Variants in MAP2K3 observed in about 807,000 individuals in gnomAD.
MAP2K3 encodes the protein dual specificity mitogen-activated protein kinase kinase 3.
A neutral mutation model predicts 46.4 loss-of-function variants in MAP2K3; 30 were observed. The observed-to-expected ratio is 0.65, with a 90% CI of 0.48 to 0.88. The LOEUF (loss-of-function observed/expected upper bound fraction) is 0.88, where lower values mean the gene tolerates loss of function less well. MAP2K3 is among the 40% of genes least tolerant of loss of function. The probability of loss-of-function intolerance (pLI) is 0.00; values close to 1 mark genes in which losing one functional copy is unlikely to be tolerated. For missense variants in MAP2K3, 380 were observed against 464.5 expected (o/e 0.82, Z 1.67); for synonymous variants, 189 against 176.3 (o/e 1.07, Z -0.57).
Position 21,288,205 on chromosome 17 carries a change from C to T in MAP2K3, c.49+3236C>T. ...GTGGGTGGGGAGGGGGTTACGTGTCCTGCAGGTGGCACCTAGCCCTGAGCT... is the reference window on the plus strand; with the variant it reads ...GTGGGTGGGGAGGGGGTTACGTGTCTTGCAGGTGGCACCTAGCCCTGAGCT... On this transcript the variant is annotated intron_variant, in intron 1 of 11. Coordinates refer to ENST00000342679, the MANE Select transcript of MAP2K3 (RefSeq NM_145109.3). 11 of 783,732 alleles carry T rather than the reference C, an allele frequency of 1.4e-5. 1 individual carries two copies. The highest frequency in any genetic ancestry group is 2.0e-5 in the Non-Finnish European group (11 of 547,750). 48.5% of individuals were successfully genotyped at this position (783,732 alleles called of 1,614,324 possible). A position where few individuals can be genotyped will look rare whatever the true frequency, so the allele number is the denominator to read the frequency against.
At chr17:21,310,926 C>T (rs961891548) in intron 9 of MAP2K3, among the ~76,000 whole-genome samples, 4 of 152,246 alleles carry the variant, frequency 2.6e-5, no homozygotes, top group Non-Finnish European at 5.9e-5. Context: ...CTAATTATAA[C>T]TCTCATGGCC....
At position 21,304,414 on chromosome 17, in the gene MAP2K3, C is replaced by A; in HGVS notation, c.569-12C>A. On this transcript the variant is annotated splice_polypyrimidine_tract_variant and intron_variant, in intron 7 of 11. Transcript: ENST00000342679. ...TCCACAGACGTGGCTGAGGCATGTC[C>A]CTCCCTGGCAGATGTGAAGCCCTCC... 6.2e-7 allele frequency: 1 copy of A among 1,614,286 alleles called. No homozygotes were observed. Among genetic ancestry groups the A allele is most frequent in the Non-Finnish European group, 8.5e-7 (1 of 1,180,048 alleles).
chr17:21,298,833 G>T (rs1976420026), intron 2 of MAP2K3, 45 bp from the exon 3 acceptor site: 1 of 1,614,116 alleles, frequency 6.2e-7, no homozygotes, highest in Non-Finnish European at 8.5e-7. Flanking sequence ...ACTTGGGGAA[G>T]GGTGTGGTTC....
At position 21,304,477 on chromosome 17, in the gene MAP2K3, G is replaced by A. The variant is rs751046606; in HGVS notation, c.620G>A (p.Cys207Tyr). ...AACAAGGAGGGCCATGTGAAGATGT[G>A]TGACTTTGGCATCAGTGGCTACTTG... ...LINKEGHVKM[C>Y]DFGISGYLVD... is the part of the protein sequence containing the mutation. The change falls in exon 8 of 12, where the codon TGT (cysteine) becomes TAT (tyrosine). Residue 207 changes from cysteine (C) to tyrosine (Y), a missense_variant. Cys to Tyr is a radical substitution (Grantham distance 194). Around this residue, in one of 5 missense-constraint regions of MAP2K3, gnomAD observed 13 missense variants for 32.7 expected, o/e 0.40. Transcript: ENST00000342679. The A allele has an allele frequency of 3.7e-6, 6 of 1,614,312 alleles. No homozygotes were observed. The Admixed American group carries it at 6.7e-5, about 18-fold the overall frequency.
chr17:21,299,929 C>T (rs944840465), intron 3 of MAP2K3, among the ~76,000 whole-genome samples: 1 of 152,312 alleles, frequency 6.6e-6, no homozygotes, highest in Non-Finnish European at 1.5e-5. Context: ...TTGCAGTGAG[C>T]CAAGATTACC....
rs1467478559 is a variant in MAP2K3, at chr17:21,284,730, C to T, written c.-191C>T. The T allele has an allele frequency of 1.1e-5, 6 of 527,152 alleles. No individual in the cohort carries two copies. The highest frequency in any genetic ancestry group is 8.1e-5 in the African/African-American group (4 of 49,152). The allele number at this position is 527,152 out of a possible 1,614,324, so 32.7% of individuals were successfully genotyped here. A position where few individuals can be genotyped will look rare whatever the true frequency, so the allele number is the denominator to read the frequency against. ...CTGCCCAGTCTGTCTCCGGCGCCGCCCGTCGCGGACTCGTCCTTGCTGCAG... is the reference window on the plus strand; with the variant it reads ...CTGCCCAGTCTGTCTCCGGCGCCGCTCGTCGCGGACTCGTCCTTGCTGCAG... On this transcript the variant is annotated 5_prime_UTR_variant, in exon 1 of 12. Coordinates refer to ENST00000342679, the MANE Select transcript of MAP2K3 (RefSeq NM_145109.3).
At position 21,300,879 on chromosome 17, in the gene MAP2K3, C is replaced by G. The variant is rs1482045827; in HGVS notation, c.285C>G (p.Ile95Met). ...ATGGCAGTCCTTCCCTGCAGCGGATCCGGGCCACCGTGAACTCACAGGAGC... is the reference window on the plus strand; with the variant it reads ...ATGGCAGTCCTTCCCTGCAGCGGATGCGGGCCACCGTGAACTCACAGGAGC... ...QSGTIMAVKR[I>M]RATVNSQEQK... Residue 95 changes from isoleucine (I) to methionine (M), a missense_variant, in exon 5 of 12, where the codon ATC (isoleucine) becomes ATG (methionine). Coordinates refer to ENST00000342679, the MANE Select transcript of MAP2K3 (RefSeq NM_145109.3). 6.2e-7 allele frequency: 1 copy of G among 1,614,162 alleles called. No homozygotes were observed. The highest frequency in any genetic ancestry group is 1.1e-5 in the South Asian group (1 of 91,092).
rs1363851432 is a variant in MAP2K3, at chr17:21,302,185, G to A, written c.442G>A (p.Asp148Asn). 6.2e-7 allele frequency: 1 copy of A among 1,614,202 alleles called. No individual in the cohort carries two copies. Among genetic ancestry groups the A allele is most frequent in the South Asian group, 1.1e-5 (1 of 91,086 alleles). ...CATGGAGCTCATGGACACATCCTTG[G>A]ACAAGTTCTACCGGAAGGTGCTGGA... ...ICMELMDTSL[D>N]KFYRKVLDKN... Residue 148 changes from aspartate (D) to asparagine (N), a missense_variant, in exon 6 of 12, where the codon GAC (aspartate) becomes AAC (asparagine). By Grantham distance (23) the Asp-to-Asn change is conservative (BLOSUM62 1). This residue lies in a region of MAP2K3 where 294 missense variants were observed against 275.4 expected (regional missense o/e 1.07). Coordinates refer to ENST00000342679, the MANE Select transcript of MAP2K3 (RefSeq NM_145109.3).
At chr17:21,304,280 G>A in intron 7 of MAP2K3, 146 bp from the exon 8 acceptor site, 10 of 1,440,608 alleles carry the variant, frequency 6.9e-6, no homozygotes, top group Non-Finnish European at 9.6e-6. Flanking sequence ...TGACCCTTGG[G>A]ACCCTGGTGC....
chr17:21,296,248 A>T, intron 1 of MAP2K3: 1 of 1,234,938 alleles, frequency 8.1e-7, no homozygotes. Flanking sequence ...TTTGTACATG[A>T]GGAACCCAAG....
chr17:21,293,789 G>A (rs1002874653), intron 1 of MAP2K3, among the ~76,000 whole-genome samples: 2 of 152,298 alleles, frequency 1.3e-5, no homozygotes, highest in African/African-American at 2.4e-5. Context: ...TGCAGTGGCC[G>A]TGTATGAGGC....
chr17:21,293,389 T>C (rs1976054898), intron 1 of MAP2K3, among the ~76,000 whole-genome samples: 1 of 152,306 alleles, frequency 6.6e-6, no homozygotes, highest in South Asian at 2.1e-4. Context: ...AGTGGTTCCA[T>C]GTTGCAGGCG....
Position 21,302,180 on chromosome 17 carries a change from C to T in MAP2K3, c.437C>T (p.Ser146Phe), listed in dbSNP as rs763864227. 1 of 1,614,126 alleles carries T rather than the reference C, an allele frequency of 6.2e-7. No individual in the cohort carries two copies. The highest frequency in any genetic ancestry group is 2.2e-5 in the East Asian group (1 of 44,858). ...VWICMELMDT[S>F]LDKFYRKVLD... ...ATCTGCATGGAGCTCATGGACACAT[C>T]CTTGGACAAGTTCTACCGGAAGGTG... The change falls in exon 6 of 12, where the codon TCC becomes TTC. Residue 146 changes from serine to phenylalanine, a missense_variant. Transcript: ENST00000342679.
chr17:21,308,092 G>T (rs1976987452), intron 9 of MAP2K3, among the ~76,000 whole-genome samples: 1 of 150,316 alleles, frequency 6.7e-6, no homozygotes, highest in South Asian at 2.1e-4. Flanking sequence ...CTGACCTCAG[G>T]TGATCTGCCT....
intron 1 of MAP2K3, among the ~76,000 whole-genome samples, chr17:21,293,295 C>T (rs988805041): frequency 2.0e-5 from 3 of 152,426 alleles, no homozygotes; most frequent in Middle Eastern, 3.4e-3. Context: ...CCACTCTGCC[C>T]GGGGTCCTCC....
At chr17:21,307,588 T>C (rs1198449847) in intron 9 of MAP2K3, among the ~76,000 whole-genome samples, 1 of 150,890 alleles carries the variant, frequency 6.6e-6, no homozygotes, top group Non-Finnish European at 1.5e-5. Context: ...AAGTGTCTGG[T>C]GGGTAGAGAG....
intron 3 of MAP2K3, 95 bp downstream of exon 3, chr17:21,299,021 A>G: frequency 6.4e-7 from 1 of 1,566,146 alleles, no homozygotes; most frequent in Admixed American, 1.7e-5. Context: ...GAGGTGACTG[A>G]GGGGTCAGAG....
chr17:21,288,054 G>A (rs1243272925), intron 1 of MAP2K3: 70 of 1,289,208 alleles, frequency 5.4e-5, no homozygotes, highest in Middle Eastern at 2.1e-4. Context: ...CAGTTGGCCC[G>A]TGTGAGGAGA....
intron 1 of MAP2K3, among the ~76,000 whole-genome samples, chr17:21,294,979 G>A (rs1021108455): frequency 1.3e-5 from 2 of 152,310 alleles, no homozygotes; most frequent in African/African-American, 2.4e-5. Context: ...ACTGCAGAAC[G>A]GCCACCTGTG....
Sources: gnomAD v4.1 joint callset for allele counts (sites outside exome capture counted in the v4.1 genomes callset) on GRCh38, gnomAD v4.1.1 for gene constraint, gnomAD v4.1.1 regional missense constraint, MANE v1.5 for transcripts, NCBI Gene and HGNC (gene_info 2026-07-23, HGNC 2026-07-21) for gene names.